HDAC9: variants seen among roughly 807,000 people sequenced by gnomAD.
HDAC9 encodes histone deacetylase 9.
In HDAC9, 41 loss-of-function variants were observed where a neutral mutation model predicts 139.4. That is an observed-to-expected ratio of 0.29 (90% confidence interval 0.23 to 0.38). The LOEUF (loss-of-function observed/expected upper bound fraction) is 0.38, where lower values mean the gene tolerates loss of function less well. Ranked by LOEUF, HDAC9 falls within the 10% of genes least tolerant of loss-of-function variation. The probability of loss-of-function intolerance (pLI) is 1.00; values close to 1 mark genes in which losing one functional copy is unlikely to be tolerated. For synonymous variants in HDAC9, 517 were observed against 476.2 expected (o/e 1.09, Z -1.12); for missense variants, 1,147 against 1,297.0 (o/e 0.88, Z 1.78).
chr7:18,727,313 A>G (rs1785627097), intron 12 of HDAC9, among the ~76,000 whole-genome samples: 2 of 152,316 alleles, frequency 1.3e-5, no homozygotes, highest in Middle Eastern at 3.4e-3. Context: ...GTTTCTTTCA[A>G]TCAGTTCAAA....
In HDAC9 at chr7:18,849,618, ATAATT is replaced by A. The variant is rs1562987168; in HGVS notation, c.2684+13622_2684+13626del. On this transcript the variant is annotated intron_variant, in intron 21 of 25. Coordinates refer to ENST00000686413, the MANE Select transcript of HDAC9 (RefSeq NM_178425.4). ...TAGCAACTAATGGCAGTGTGAACAT[ATAATT>A]GGTTTTATAGGTAAATCAATTTGTC... Among the ~76,000 whole-genome samples the A allele has an allele frequency of 4.6e-5, 7 of 152,350 alleles. 2 individuals are homozygous for A. The highest frequency in any genetic ancestry group is 1.7e-4 in the African/African-American group (7 of 41,588).
At chr7:18,833,406 A>T (rs1796001619) in intron 19 of HDAC9, among the ~76,000 whole-genome samples, 1 of 152,236 alleles carries the variant, frequency 6.6e-6, no homozygotes, top group Non-Finnish European at 1.5e-5. Flanking sequence ...CAAATTGTGG[A>T]TGCATTTATG....
intron 11 of HDAC9, among the ~76,000 whole-genome samples, chr7:18,652,381 C>T (rs1205898893): frequency 6.6e-6 from 1 of 151,866 alleles, no homozygotes; most frequent in Admixed American, 6.6e-5. Context: ...TAAATATTAC[C>T]ACAGGATTTT....
chr7:18,325,429 G>C (rs1335209842), intron 1 of HDAC9: 1 of 152,064 alleles, frequency 6.6e-6, no homozygotes, highest in Non-Finnish European at 1.5e-5. Flanking sequence ...AACAGCCAGA[G>C]TAAAGCAATT....
intron 2 of HDAC9, among the ~76,000 whole-genome samples, chr7:18,239,025 T>A (rs1438913180): frequency 6.6e-6 from 1 of 152,206 alleles, no homozygotes; most frequent in Non-Finnish European, 1.5e-5. Context: ...TTAATGGGTA[T>A]TTTAAGTGTA....
chr7:18,219,190 A>G (rs1792515862), intron 2 of HDAC9, among the ~76,000 whole-genome samples: 1 of 152,142 alleles, frequency 6.6e-6, no homozygotes, highest in Non-Finnish European at 1.5e-5. Context: ...GAATCTATGT[A>G]GTATTTTTCT....
intron 1 of HDAC9, among the ~76,000 whole-genome samples, chr7:18,122,432 T>C (rs1784414135): frequency 1.3e-5 from 2 of 152,192 alleles, no homozygotes; most frequent in South Asian, 4.1e-4. Flanking sequence ...ACCTAGATGA[T>C]ATTATTTTCA....
intron 12 of HDAC9, among the ~76,000 whole-genome samples, chr7:18,716,566 ATAGTGCAACCAAAT>A (rs1784715485): frequency 6.6e-6 from 1 of 152,344 alleles, no homozygotes; most frequent in Admixed American, 6.5e-5. Context: ...ATATAAATGC[ATAGTGCAACCAAAT>A]TAGTAATTTA....
chr7:18,205,614 A>C (rs1454634479), intron 2 of HDAC9, among the ~76,000 whole-genome samples: 1 of 152,116 alleles, frequency 6.6e-6, no homozygotes, highest in Non-Finnish European at 1.5e-5. Context: ...ATTATGATCT[A>C]AATTGCTAAT....
intron 1 of HDAC9, among the ~76,000 whole-genome samples, chr7:18,158,812 G>A (rs1411950037): frequency 6.6e-6 from 1 of 152,196 alleles, no homozygotes; most frequent in East Asian, 1.9e-4. Flanking sequence ...GTAATAGGCT[G>A]GGACAGTGAA....
intron 1 of HDAC9, among the ~76,000 whole-genome samples, chr7:18,405,538 A>G (rs1338004099): frequency 1.3e-5 from 2 of 152,146 alleles, no homozygotes; most frequent in Non-Finnish European, 2.9e-5. Flanking sequence ...CCTGGTATTG[A>G]GCAACTTTTG....
At chr7:18,588,504 T>C (rs1158186665) in intron 3 of HDAC9, among the ~76,000 whole-genome samples, 1 of 152,206 alleles carries the variant, frequency 6.6e-6, no homozygotes, top group Non-Finnish European at 1.5e-5. Context: ...GGTAATTTTA[T>C]ACAATATTTC....
chr7:18,175,777 C>A (rs905585555), intron 2 of HDAC9, among the ~76,000 whole-genome samples: 4 of 142,678 alleles, frequency 2.8e-5, no homozygotes, highest in African/African-American at 1.0e-4. Flanking sequence ...AACCCCCCCC[C>A]CCCTTTTTTT....
chr7:18,302,534 T>G (rs1223731530), intron 1 of HDAC9, among the ~76,000 whole-genome samples: 1 of 152,172 alleles, frequency 6.6e-6, no homozygotes, highest in African/African-American at 2.4e-5. Flanking sequence ...CCTTTCCAAG[T>G]CTCAGTTTCT....
chr7:18,090,441 C>A (rs932715081), intron 1 of HDAC9, among the ~76,000 whole-genome samples: 7 of 152,150 alleles, frequency 4.6e-5, no homozygotes, highest in African/African-American at 1.7e-4. Flanking sequence ...AACAAAGAAG[C>A]ACACACACCT....
chr7:18,453,686 T>C, intron 1 of HDAC9, among the ~76,000 whole-genome samples: 1 of 152,216 alleles, frequency 6.6e-6, no homozygotes, highest in East Asian at 1.9e-4. Flanking sequence ...TTTTGTTTTG[T>C]TTTTCATAAT....
At chr7:18,955,786 A>C (rs1783106282) in intron 24 of HDAC9, among the ~76,000 whole-genome samples, 1 of 152,092 alleles carries the variant, frequency 6.6e-6, no homozygotes, top group Non-Finnish European at 1.5e-5. Flanking sequence ...ACTGGATAGT[A>C]AGGAAGGTTG....
intron 2 of HDAC9, among the ~76,000 whole-genome samples, chr7:18,163,886 T>G (rs987136519): frequency 1.3e-5 from 2 of 152,200 alleles, no homozygotes; most frequent in African/African-American, 4.8e-5. Context: ...CAGTGGATGT[T>G]GGTCTACCCT....
intron 12 of HDAC9, among the ~76,000 whole-genome samples, chr7:18,725,112 G>A (rs533132487): frequency 6.6e-6 from 1 of 152,234 alleles, no homozygotes; most frequent in Non-Finnish European, 1.5e-5. Flanking sequence ...AGACACAGCA[G>A]ACACAGTGCC....
Sources: allele counts gnomAD v4.1 joint callset (sites outside exome capture counted in the v4.1 genomes callset), GRCh38; gene constraint gnomAD v4.1.1; transcripts MANE v1.5; gene names NCBI Gene and HGNC (gene_info 2026-07-23, HGNC 2026-07-21).